The following C11orf65 variants were observed in gnomAD, a reference collection of about 807,000 sequenced individuals.
The protein encoded by C11orf65 is chromosome 11 open reading frame 65.
C11orf65 carries 38 observed loss-of-function variants against 35.3 expected under a neutral mutation model. That is an observed-to-expected ratio of 1.08 (90% confidence interval 0.83 to 1.41). The LOEUF is 1.41. C11orf65 is among the 40% of genes most tolerant of loss of function. C11orf65 has a pLI of 0.00. For missense variants in C11orf65, 370 were observed against 367.1 expected, an observed-to-expected ratio of 1.01 and a Z score of -0.06; for synonymous variants, 105 against 114.4, an observed-to-expected ratio of 0.92 and a Z score of 0.53.
chr11:108,389,983 C>G (rs2092111272), intron 7 of C11orf65, among the ~76,000 whole-genome samples: 1 of 144,642 alleles, frequency 6.9e-6, no homozygotes, highest in Non-Finnish European at 1.5e-5. Context: ...CATGAGCCAC[C>G]TCGCCTGGCT....
intron 2 of C11orf65, among the ~76,000 whole-genome samples, chr11:108,459,589 A>G (rs1437845769): frequency 1.3e-5 from 2 of 152,132 alleles, no homozygotes; most frequent in Non-Finnish European, 2.9e-5. Flanking sequence ...GCTATCATCT[A>G]TTTTTAGTTT....
At chr11:108,431,201 C>T (rs919769308) in intron 3 of C11orf65, among the ~76,000 whole-genome samples, 16 of 151,852 alleles carry the variant, frequency 1.1e-4, no homozygotes, top group African/African-American at 3.9e-4. Context: ...GTACACTTAT[C>T]CATGAGGAGA....
chr11:108,334,706 A>G (rs1373921275), intron 3 of C11orf65, among the ~76,000 whole-genome samples: 1 of 152,164 alleles, frequency 6.6e-6, no homozygotes, highest in Non-Finnish European at 1.5e-5. Flanking sequence ...AACTCCTTCT[A>G]CTGTTTTCCA....
intron 2 of C11orf65, chr11:108,367,153 A>G (rs2091373745): frequency 5.6e-6 from 1 of 177,650 alleles, no homozygotes. Context: ...ACGCCCGGCT[A>G]ATTTTTTGTA....
At position 108,461,505 on chromosome 11, in the gene C11orf65, TG is replaced by T; in HGVS notation, c.54del (p.Ile19PhefsTer20). On this transcript the variant is annotated frameshift_variant, in exon 2 of 9. Coordinates refer to ENST00000393084, the MANE Select transcript of C11orf65 (RefSeq NM_152587.5). LOFTEE classifies it high-confidence loss of function. The part of the protein sequence containing the change: ...EFTKQDKAAR[V>X]IQQAWKSFLN... Reference sequence around the variant, plus strand: ...AGGAAACTTTTCCAGGCCTGCTGAATGACTCTGGCAGCCTTATCCTGCTTTG... The same window carrying T: ...AGGAAACTTTTCCAGGCCTGCTGAATACTCTGGCAGCCTTATCCTGCTTTG... 2 of 1,610,644 alleles carry T rather than the reference TG, an allele frequency of 1.2e-6. No individual in the cohort carries two copies. The highest frequency in any genetic ancestry group is 1.7e-6 in the Non-Finnish European group (2 of 1,178,576).
intron 2 of C11orf65, among the ~76,000 whole-genome samples, chr11:108,438,464 T>A (rs2093099891): frequency 1.3e-5 from 2 of 151,268 alleles, no homozygotes; most frequent in South Asian, 2.1e-4. Flanking sequence ...GGCAAAAGAA[T>A]CCCTCAAACC....
At chr11:108,415,555 A>C (rs1035642673) in intron 3 of C11orf65, among the ~76,000 whole-genome samples, 2 of 152,198 alleles carry the variant, frequency 1.3e-5, no homozygotes, top group Middle Eastern at 3.2e-3. Flanking sequence ...CTATAGATTC[A>C]ATGCAATCTC....
intron 2 of C11orf65, among the ~76,000 whole-genome samples, chr11:108,454,291 A>G (rs1366316558): frequency 7.1e-6 from 1 of 141,378 alleles, no homozygotes; most frequent in Non-Finnish European, 1.5e-5. Context: ...GATTTTATTT[A>G]TTTGAGTCTT....
chr11:108,345,675 A>G (rs1466306572), intron 2 of C11orf65: 1 of 1,262,478 alleles, frequency 7.9e-7, no homozygotes, highest in Admixed American at 2.3e-5. Flanking sequence ...ATTTTTATAT[A>G]AAAATGTGTA....
At chr11:108,311,466 T>A (rs1197270762) in intron 6 of C11orf65, among the ~76,000 whole-genome samples, 3 of 151,916 alleles carry the variant, frequency 2.0e-5, no homozygotes, top group Non-Finnish European at 4.4e-5. Context: ...GAGGCCAAAG[T>A]GAGAGGATTA....
intron 6 of C11orf65, among the ~76,000 whole-genome samples, chr11:108,394,025 C>G (rs1232488079): frequency 1.3e-5 from 2 of 151,104 alleles, no homozygotes; most frequent in African/African-American, 4.9e-5. Context: ...ACTAAAAATA[C>G]AAAAATTAGC....
chr11:108,417,560 C>A (rs1034435954), intron 3 of C11orf65, among the ~76,000 whole-genome samples: 9 of 149,432 alleles, frequency 6.0e-5, no homozygotes, highest in Non-Finnish European at 8.9e-5. Context: ...AAAACAAAAA[C>A]AAACAAACAA....
chr11:108,450,610 T>A (rs2093333691), intron 2 of C11orf65, among the ~76,000 whole-genome samples: 2 of 107,202 alleles, frequency 1.9e-5, no homozygotes, highest in South Asian at 3.5e-4. Context: ...AACATCACAC[T>A]CCAGGGACTG....
At position 108,310,191 on chromosome 11, in the gene C11orf65, T is replaced by C. The variant is rs2084025775; in HGVS notation, c.641-1120A>G. ...TTCAGGAACAATTTTTAATGATGCT[T>C]TCTGGCTGGATTTAAATTATCTAGA... is the stretch of plus-strand genomic sequence containing the variant. On this transcript the variant is annotated intron_variant, in intron 6 of 6. Coordinates refer to the C11orf65 transcript ENST00000525729. 6.2e-7 allele frequency: 1 copy of C among 1,613,630 alleles called. No individual in the cohort carries two copies. Among genetic ancestry groups the C allele is most frequent in the Non-Finnish European group, 8.5e-7 (1 of 1,179,728 alleles).
chr11:108,377,330 G>A (rs1051119819), intron 2 of C11orf65, among the ~76,000 whole-genome samples: 191 of 152,186 alleles, frequency 1.3e-3, no homozygotes, highest in East Asian at 2.9e-3. Flanking sequence ...TTCAATGTAC[G>A]CAAATCAATA....
intron 2 of C11orf65, among the ~76,000 whole-genome samples, chr11:108,337,747 G>A (rs2087008657): frequency 6.6e-6 from 1 of 152,210 alleles, no homozygotes; most frequent in Non-Finnish European, 1.5e-5. Flanking sequence ...TAGATATTCT[G>A]TAATGTGAAT....
chr11:108,358,059 A>G (rs539764474), intron 2 of C11orf65, among the ~76,000 whole-genome samples: 1 of 147,494 alleles, frequency 6.8e-6, no homozygotes, highest in Non-Finnish European at 1.5e-5. Flanking sequence ...AAAATTTAGA[A>G]GAATGTATAA....
chr11:108,375,760 A>T (rs1165634124), intron 2 of C11orf65, among the ~76,000 whole-genome samples: 2 of 152,052 alleles, frequency 1.3e-5, no homozygotes, highest in Non-Finnish European at 1.5e-5. Flanking sequence ...GCAGAGACAC[A>T]CATAGGCTCA....
chr11:108,314,046 C>A (rs992603503), intron 6 of C11orf65, among the ~76,000 whole-genome samples: 1 of 152,124 alleles, frequency 6.6e-6, no homozygotes, highest in African/African-American at 2.4e-5. Flanking sequence ...GAAAAATCCA[C>A]GACCTTTATT....
Sources: gnomAD v4.1 joint callset for allele counts (sites outside exome capture counted in the v4.1 genomes callset) on GRCh38, gnomAD v4.1.1 for gene constraint, MANE v1.5 for transcripts, NCBI Gene and HGNC (gene_info 2026-07-23, HGNC 2026-07-21) for gene names.